The following UNC13C variants were observed in gnomAD, a reference collection of about 807,000 sequenced individuals.
UNC13C encodes protein unc-13 homolog C.
UNC13C carries 174 observed loss-of-function variants against 245.4 expected under a neutral mutation model. The observed-to-expected ratio is 0.71, with a 90% confidence interval of 0.63 to 0.80. The LOEUF is 0.80. Ranked by LOEUF, UNC13C falls within the 30% of genes least tolerant of loss-of-function variation. UNC13C has a pLI of 0.00. For missense variants in UNC13C, 2,829 were observed against 2,602.9 expected, an observed-to-expected ratio of 1.09 and a Z score of -1.89; for synonymous variants, 992 against 895.1, an observed-to-expected ratio of 1.11 and a Z score of -1.93.
chr15:54,259,569 C>T (rs2036369495), intron 8 of UNC13C, among the ~76,000 whole-genome samples: 1 of 152,216 alleles, frequency 6.6e-6, no homozygotes, highest in Non-Finnish European at 1.5e-5. Flanking sequence ...TATCTCCCAC[C>T]AGGTACCTCC....
chr15:54,285,675 T>A (rs1309802193), intron 10 of UNC13C, among the ~76,000 whole-genome samples: 1 of 152,200 alleles, frequency 6.6e-6, no homozygotes, highest in Non-Finnish European at 1.5e-5. Context: ...TAGAATGAGA[T>A]CATTCATAAT....
In UNC13C at chr15:54,222,257, T is replaced by C. The variant is rs1429244300; in HGVS notation, c.3072-12773T>C. Among the ~76,000 whole-genome samples the C allele has an allele frequency of 3.9e-5, 6 of 151,970 alleles. No individual in the cohort carries two copies. The East Asian group carries it at 1.2e-3, about 29-fold the overall frequency. ...ACCCTCCTCCACCCACCCCTACCCT[T>C]CCCAGCCTCTGATAACCATCATTCT... On this transcript the variant is annotated intron_variant, in intron 4 of 32. Transcript: ENST00000260323.
intron 2 of UNC13C, among the ~76,000 whole-genome samples, chr15:54,112,653 G>A (rs2029899941): frequency 6.6e-6 from 1 of 152,186 alleles, no homozygotes; most frequent in Non-Finnish European, 1.5e-5. Context: ...ATCTATGTTT[G>A]CAGCTCAATT....
chr15:54,446,289 T>A (rs1890810053), intron 19 of UNC13C, among the ~76,000 whole-genome samples: 1 of 152,160 alleles, frequency 6.6e-6, no homozygotes, highest in Non-Finnish European at 1.5e-5. Flanking sequence ...CTTTTTTGGT[T>A]CCATACGAAC....
chr15:54,468,705 G>A (rs1892304429), intron 19 of UNC13C, among the ~76,000 whole-genome samples: 1 of 151,616 alleles, frequency 6.6e-6, no homozygotes, highest in African/African-American at 2.4e-5. Flanking sequence ...TGAAAATACT[G>A]TCCTTTCCCC....
At chr15:54,046,014 C>T (rs1029480692) in intron 2 of UNC13C, among the ~76,000 whole-genome samples, 2 of 152,150 alleles carry the variant, frequency 1.3e-5, no homozygotes, top group African/African-American at 4.8e-5. Context: ...CCATTTCTAT[C>T]ATTTCTCACT....
At chr15:54,040,083 T>C (rs1206884761) in intron 2 of UNC13C, among the ~76,000 whole-genome samples, 1 of 152,090 alleles carries the variant, frequency 6.6e-6, no homozygotes, top group East Asian at 1.9e-4. Context: ...AGCTCCTTTC[T>C]TGTTCTTACT....
chr15:54,319,804 T>C (rs1391137222), intron 13 of UNC13C, among the ~76,000 whole-genome samples: 1 of 148,414 alleles, frequency 6.7e-6, no homozygotes, highest in African/African-American at 2.5e-5. Context: ...CTTTCCTCCA[T>C]GTATATTTTA....
At chr15:54,003,512 C>T (rs933970234) in intron 1 of UNC13C, among the ~76,000 whole-genome samples, 31 of 152,098 alleles carry the variant, frequency 2.0e-4, no homozygotes, top group Non-Finnish European at 2.4e-4. Flanking sequence ...GTGGACTGTT[C>T]CCATTCTCAG....
chr15:54,502,354 CAG>C (rs1417688629), intron 22 of UNC13C, among the ~76,000 whole-genome samples: 1 of 152,148 alleles, frequency 6.6e-6, no homozygotes, highest in East Asian at 1.9e-4. Context: ...CAGAGACAGA[CAG>C]AGAGACACTA....
intron 17 of UNC13C, among the ~76,000 whole-genome samples, chr15:54,374,444 G>T (rs1262464868): frequency 6.6e-6 from 1 of 152,192 alleles, no homozygotes; most frequent in African/African-American, 2.4e-5. Context: ...GGCCAAGGCA[G>T]CAGGGAGCTG....
At chr15:53,953,956 C>T in the UNC13C span, among the ~76,000 whole-genome samples, 3 of 152,200 alleles carry the variant, frequency 2.0e-5, no homozygotes, top group Non-Finnish European at 4.4e-5. Context: ...CTGTAAGGGA[C>T]AGAGTACAGC....
intron 18 of UNC13C, among the ~76,000 whole-genome samples, chr15:54,410,049 C>CT (rs1170162906): frequency 2.6e-5 from 4 of 152,122 alleles, no homozygotes; most frequent in African/African-American, 9.7e-5. Context: ...TATGTTTTTA[C>CT]TTTTCAATGA....
intron 10 of UNC13C, among the ~76,000 whole-genome samples, chr15:54,278,861 C>T (rs971732152): frequency 6.6e-6 from 1 of 152,062 alleles, no homozygotes; most frequent in African/African-American, 2.4e-5. Flanking sequence ...CTATGTGAAC[C>T]ATCAGTCTTA....
chr15:54,291,380 A>G (rs2037294775), intron 10 of UNC13C, among the ~76,000 whole-genome samples: 1 of 152,014 alleles, frequency 6.6e-6, no homozygotes, highest in African/African-American at 2.4e-5. Context: ...AAACTTAGAT[A>G]TTTTTATGAA....
chr15:54,005,715 G>A (rs980111208), intron 1 of UNC13C, among the ~76,000 whole-genome samples: 5 of 152,132 alleles, frequency 3.3e-5, no homozygotes, highest in African/African-American at 4.8e-5. Flanking sequence ...CATGAGTCTC[G>A]ATTTCTCATT....
At chr15:54,345,894 A>G (rs2038848979) in intron 17 of UNC13C, among the ~76,000 whole-genome samples, 1 of 152,126 alleles carries the variant, frequency 6.6e-6, no homozygotes, top group East Asian at 1.9e-4. Flanking sequence ...ATTAAACTCC[A>G]TGGTGACTTT....
At chr15:54,028,622 T>C (rs1028856361) in intron 2 of UNC13C, among the ~76,000 whole-genome samples, 1 of 150,492 alleles carries the variant, frequency 6.6e-6, no homozygotes, top group Non-Finnish European at 1.5e-5. Context: ...CCGCCAGTGG[T>C]CAACCATGAC....
chr15:54,147,518 C>T (rs1190001377), intron 4 of UNC13C, among the ~76,000 whole-genome samples: 1 of 152,194 alleles, frequency 6.6e-6, no homozygotes, highest in Non-Finnish European at 1.5e-5. Flanking sequence ...TGCGCCCAGC[C>T]TGATGAAACT....
Sources: gnomAD v4.1 joint callset for allele counts (sites outside exome capture counted in the v4.1 genomes callset) on GRCh38, gnomAD v4.1.1 for gene constraint, MANE v1.5 for transcripts, NCBI Gene and HGNC (gene_info 2026-07-23, HGNC 2026-07-21) for gene names.